Variants in ARHGEF26 observed in about 807,000 individuals in gnomAD.
ARHGEF26 encodes the protein Rho guanine nucleotide exchange factor 26, also known as Rho guanine nucleotide exchange factor (GEF) 26.
In ARHGEF26, 59 loss-of-function variants were observed where a neutral mutation model predicts 89.4. That is an observed-to-expected ratio of 0.66 (90% confidence interval 0.54 to 0.82). The LOEUF is 0.82. Ranked by LOEUF, ARHGEF26 falls within the 40% of genes least tolerant of loss-of-function variation. The pLI, the probability that ARHGEF26 is intolerant of heterozygous loss-of-function variation, is 0.00. For synonymous variants in ARHGEF26, 500 were observed against 428.4 expected (o/e 1.17, Z -2.06); for missense variants, 1,234 against 1,085.6 (o/e 1.14, Z -1.92).
chr3:154,143,019 T>G (rs1719476301), intron 4 of ARHGEF26, among the ~76,000 whole-genome samples: 1 of 152,198 alleles, frequency 6.6e-6, no homozygotes, highest in Non-Finnish European at 1.5e-5. Context: ...AACAAAGAAA[T>G]AGAGGTATTA....
intron 9 of ARHGEF26, among the ~76,000 whole-genome samples, chr3:154,210,168 A>C (rs536183341): frequency 6.6e-6 from 1 of 152,218 alleles, no homozygotes; most frequent in African/African-American, 2.4e-5. Context: ...GACCCAGGGC[A>C]GGTCCAGAAA....
In ARHGEF26 at chr3:154,255,614, T is replaced by G. The variant is rs1055973878; in HGVS notation, c.*141T>G. 7.6e-6 allele frequency: 11 copies of G among 1,450,056 alleles called. No homozygotes were observed. The highest frequency in any genetic ancestry group is 4.3e-5 in the African/African-American group (3 of 69,822). 89.8% of individuals were successfully genotyped at this position (1,450,056 alleles called of 1,614,324 possible). ...ACACTTGCCTTTAAGCTTGCCAGGT[T>G]GTTCTGCTCTCTCATGAGAAGAGCT... On this transcript the variant is annotated 3_prime_UTR_variant, in exon 15 of 15. Coordinates refer to ENST00000465093, the MANE Select transcript of ARHGEF26 (RefSeq NM_015595.4).
chr3:154,124,361 G>GT, intron 2 of ARHGEF26, 49 bp from the exon 3 acceptor site: 4 of 1,244,820 alleles, frequency 3.2e-6, no homozygotes, highest in Non-Finnish European at 4.3e-6. Context: ...TTCATACATA[G>GT]TTTGCTTTTC....
At chr3:154,133,281 G>T (rs1333505442) in intron 4 of ARHGEF26, among the ~76,000 whole-genome samples, 1 of 152,056 alleles carries the variant, frequency 6.6e-6, no homozygotes, top group East Asian at 1.9e-4. Context: ...GATGACAGGT[G>T]GTTCCCCATT....
intron 4 of ARHGEF26, among the ~76,000 whole-genome samples, chr3:154,135,027 G>T (rs958846655): frequency 6.6e-6 from 1 of 152,086 alleles, no homozygotes; most frequent in Non-Finnish European, 1.5e-5. Context: ...AAGGATATTG[G>T]CTTGAAGTTT....
intron 9 of ARHGEF26, among the ~76,000 whole-genome samples, chr3:154,207,674 T>C (rs1487653063): frequency 6.6e-6 from 1 of 152,160 alleles, no homozygotes; most frequent in Non-Finnish European, 1.5e-5. Flanking sequence ...CAACCATTAT[T>C]GAAGACAGTG....
At chr3:154,149,925 T>TA (rs34955313) in intron 5 of ARHGEF26, among the ~76,000 whole-genome samples, 1,692 of 139,412 alleles carry the variant, frequency 0.012, 15 homozygotes, top group African/African-American at 0.022. Context: ...GTTTATTTAG[T>TA]AAAAAAAAAA....
chr3:154,225,097 T>A (rs1716402684), intron 10 of ARHGEF26, among the ~76,000 whole-genome samples: 1 of 152,092 alleles, frequency 6.6e-6, no homozygotes, highest in Admixed American at 6.6e-5. Flanking sequence ...TGTTCTGTAG[T>A]TTTGAGAGTT....
intron 6 of ARHGEF26, among the ~76,000 whole-genome samples, chr3:154,177,654 T>C (rs543325934): frequency 2.0e-5 from 3 of 152,144 alleles, no homozygotes; most frequent in Non-Finnish European, 4.4e-5. Context: ...TGAAGGCACT[T>C]TAGGGTCTGC....
chr3:154,240,535 C>G lies in ARHGEF26; in HGVS notation c.2256C>G (p.Asn752Lys). 3 of 1,612,892 alleles carry G rather than the reference C, an allele frequency of 1.9e-6. No individual in the cohort carries two copies. The highest frequency in any genetic ancestry group is 2.5e-6 in the Non-Finnish European group (3 of 1,179,368). ...SHLFTLTVLS[N>K]HANEKVEMLL... ...TCTTTACTCTGACAGTCCTTAGTAA[C>G]CACGCGAATGAGAAAGTGGAGATGC... The change falls in exon 12 of 15, where the codon AAC becomes AAG. Residue 752 changes from asparagine (N) to lysine (K), a missense_variant. Physicochemically the swap from Asn to Lys is moderately conservative, Grantham distance 94 (BLOSUM62 0). Transcript: ENST00000465093.
At chr3:154,254,446 T>C (rs1325618006) in intron 13 of ARHGEF26, among the ~76,000 whole-genome samples, 1 of 152,136 alleles carries the variant, frequency 6.6e-6, no homozygotes. Flanking sequence ...TTCTGTTCCA[T>C]TGTGTGACAT....
chr3:154,225,912 C>CTA lies in ARHGEF26; in HGVS notation c.1994_1995dup (p.Val666MetfsTer44). ...TGGTAAAAAGAGGTGAATTGACAGC[C>CTA]TATGTTGAAGACACTGTGCTTTTCT... is the stretch of plus-strand genomic sequence containing the variant. On this transcript the variant is annotated frameshift_variant, in exon 11 of 15. Coordinates refer to ENST00000465093, the MANE Select transcript of ARHGEF26 (RefSeq NM_015595.4). LOFTEE classifies it high-confidence loss of function. 6.2e-7 allele frequency: 1 copy of CTA among 1,610,990 alleles called. No homozygotes were observed. Among genetic ancestry groups the CTA allele is most frequent in the Non-Finnish European group, 8.5e-7 (1 of 1,178,478 alleles).
In ARHGEF26 at chr3:154,122,180, A is replaced by C; in HGVS notation, c.188A>C (p.Gln63Pro). Residue 63 changes from glutamine to proline, a missense_variant, in exon 2 of 15, where the codon CAG (glutamine) becomes CCG (proline). By Grantham distance (76) the Gln-to-Pro change is moderately conservative (BLOSUM62 -1). Transcript: ENST00000465093. ...VEDGGTLLAA[Q>P]IPAQVPTASD... is the part of the protein sequence containing the mutation. Reference sequence around the variant, plus strand: ...GACGGAGGGACGCTCCTCGCAGCGCAGATTCCCGCCCAGGTGCCCACCGCC... The same window carrying C: ...GACGGAGGGACGCTCCTCGCAGCGCCGATTCCCGCCCAGGTGCCCACCGCC... 1 of 1,600,142 alleles carries C rather than the reference A, an allele frequency of 6.2e-7. No individual in the cohort carries two copies. Among genetic ancestry groups the C allele is most frequent in the Non-Finnish European group, 8.5e-7 (1 of 1,173,586 alleles).
chr3:154,167,958 A>T (rs1021495412), intron 6 of ARHGEF26, among the ~76,000 whole-genome samples: 3 of 152,184 alleles, frequency 2.0e-5, no homozygotes, highest in Non-Finnish European at 4.4e-5. Flanking sequence ...TAAGAAATAA[A>T]ATTGTACAAC....
intron 12 of ARHGEF26, among the ~76,000 whole-genome samples, chr3:154,243,326 T>A (rs1206316305): frequency 6.6e-6 from 1 of 152,214 alleles, no homozygotes; most frequent in Non-Finnish European, 1.5e-5. Flanking sequence ...TTTTCTTTGG[T>A]TTACAAGGAT....
chr3:154,157,365 G>A (rs1336529145), intron 6 of ARHGEF26, among the ~76,000 whole-genome samples: 1 of 152,114 alleles, frequency 6.6e-6, no homozygotes, highest in Non-Finnish European at 1.5e-5. Flanking sequence ...GGTTTGGCTG[G>A]AGGTTATGGG....
chr3:154,240,253 C>A (rs1015135694), intron 11 of ARHGEF26, 117 bp from the exon 12 acceptor site: 2 of 669,658 alleles, frequency 3.0e-6, no homozygotes, highest in African/African-American at 1.8e-5. Flanking sequence ...ATAAGTCATT[C>A]TTTCCCTCTC....
Position 154,206,913 on chromosome 3 carries a change from A to T in ARHGEF26, c.1846-10956A>T, listed in dbSNP as rs1226475553. On this transcript the variant is annotated intron_variant, in intron 9 of 14. Transcript: ENST00000465093. ...CAGCATGGTACTGGTACAAAAACTGACACAAAGACCAATGGAATAGATAGA... is the reference window on the plus strand; with the variant it reads ...CAGCATGGTACTGGTACAAAAACTGTCACAAAGACCAATGGAATAGATAGA... Among the ~76,000 whole-genome samples the T allele has an allele frequency of 2.0e-5, 3 of 152,184 alleles. No homozygotes were observed. The East Asian group carries it at 5.8e-4, about 29-fold the overall frequency.
chr3:154,213,251 A>G (rs1360801999), intron 9 of ARHGEF26, among the ~76,000 whole-genome samples: 13 of 150,334 alleles, frequency 8.6e-5, no homozygotes, highest in African/African-American at 2.7e-4. Flanking sequence ...GTATATATAT[A>G]TATATGCTTT....
Sources: allele counts gnomAD v4.1 joint callset (sites outside exome capture counted in the v4.1 genomes callset), GRCh38; gene constraint gnomAD v4.1.1; transcripts MANE v1.5; gene names NCBI Gene and HGNC (gene_info 2026-07-23, HGNC 2026-07-21).